Variants in SLC12A2 observed in about 807,000 individuals in gnomAD.
SLC12A2 encodes the protein Na-K-2Cl cotransporter 1.
In SLC12A2, 67 loss-of-function variants were observed where a neutral mutation model predicts 136.3. The observed-to-expected ratio is 0.49, with a 90% confidence interval of 0.40 to 0.60. The LOEUF is 0.60. Ranked by LOEUF, SLC12A2 falls within the 20% of genes least tolerant of loss-of-function variation. The pLI, the probability that SLC12A2 is intolerant of heterozygous loss-of-function variation, is 0.00. For synonymous variants in SLC12A2, 619 were observed against 562.9 expected (o/e 1.10, Z -1.41); for missense variants, 1,322 against 1,534.7 (o/e 0.86, Z 2.32).
chr5:128,135,664 A>G (rs976755019), intron 6 of SLC12A2, 36 bp from the exon 7 acceptor site: 1 of 1,255,210 alleles, frequency 8.0e-7, no homozygotes, highest in Non-Finnish European at 1.2e-6. Flanking sequence ...TAGAAACAAG[A>G]TACTTGATTT....
At chr5:128,146,802 A>T (rs4836366) in intron 10 of SLC12A2, among the ~76,000 whole-genome samples, 47,693 of 151,472 alleles carry the variant, frequency 0.31, 9,072 homozygotes, top group African/African-American at 0.53. Context: ...CTATCTTAAC[A>T]TAAGAAACAG....
At chr5:128,088,475 G>C (rs933620829) in intron 1 of SLC12A2, among the ~76,000 whole-genome samples, 2 of 152,208 alleles carry the variant, frequency 1.3e-5, no homozygotes, top group African/African-American at 4.8e-5. Flanking sequence ...ATTATCAAAT[G>C]TGGAAAGTGG....
chr5:128,180,619 T>C (rs1763678158), intron 22 of SLC12A2, among the ~76,000 whole-genome samples: 1 of 152,218 alleles, frequency 6.6e-6, no homozygotes, highest in South Asian at 2.1e-4. Flanking sequence ...ATACTTATTT[T>C]CTCAATCCTG....
intron 4 of SLC12A2, among the ~76,000 whole-genome samples, chr5:128,123,403 A>G (rs1391640549): frequency 3.3e-5 from 5 of 152,166 alleles, no homozygotes; most frequent in African/African-American, 4.8e-5. Context: ...TCCTCAATAC[A>G]CCAAGAAAAC....
At chr5:128,089,494 T>A (rs1760228622) in intron 1 of SLC12A2, among the ~76,000 whole-genome samples, 1 of 152,228 alleles carries the variant, frequency 6.6e-6, no homozygotes, top group Admixed American at 6.5e-5. Context: ...TCTCTCTTTA[T>A]CTTTTCTATC....
intron 9 of SLC12A2, among the ~76,000 whole-genome samples, chr5:128,140,606 A>G (rs935520307): frequency 1.3e-5 from 2 of 152,088 alleles, no homozygotes; most frequent in African/African-American, 4.8e-5. Context: ...CCTTGGAGCA[A>G]TAGGGGTAAC....
At chr5:128,125,312 C>T (rs535209169) in intron 4 of SLC12A2, among the ~76,000 whole-genome samples, 81 of 152,210 alleles carry the variant, frequency 5.3e-4, no homozygotes, top group Non-Finnish European at 2.9e-4. Context: ...AGTTTAGTAC[C>T]AGGATTCTAT....
chr5:128,169,356 A>T (rs1313030138), intron 18 of SLC12A2: 1 of 152,132 alleles, frequency 6.6e-6, no homozygotes, highest in Non-Finnish European at 1.5e-5. Context: ...CTCCTGTTGT[A>T]TCTTTGGCTA....
intron 5 of SLC12A2, among the ~76,000 whole-genome samples, chr5:128,132,177 G>A (rs1028253867): frequency 6.6e-6 from 1 of 152,094 alleles, no homozygotes; most frequent in African/African-American, 2.4e-5. Flanking sequence ...TGGGATGTAG[G>A]GAAGTATCTG....
chr5:128,152,633 C>T, intron 14 of SLC12A2, 73 bp from the exon 15 acceptor site: 1 of 914,244 alleles, frequency 1.1e-6, no homozygotes, highest in Non-Finnish European at 1.8e-6. Flanking sequence ...GTTTAATTCT[C>T]TATGCCTCAG....
At chr5:128,111,813 C>CGTGT (rs1554103717) in intron 1 of SLC12A2, among the ~76,000 whole-genome samples, 1 of 146,706 alleles carries the variant, frequency 6.8e-6, no homozygotes, top group African/African-American at 2.5e-5. Context: ...TGTGTATATA[C>CGTGT]GTGTGTGTGT....
At chr5:128,143,288 G>T (rs1172806946) in intron 10 of SLC12A2, among the ~76,000 whole-genome samples, 1 of 152,056 alleles carries the variant, frequency 6.6e-6, no homozygotes, top group African/African-American at 2.4e-5. Flanking sequence ...CTTTAAAAAA[G>T]CATTGATCAG....
At chr5:128,105,496 G>T (rs944175701) in intron 1 of SLC12A2, among the ~76,000 whole-genome samples, 3 of 152,158 alleles carry the variant, frequency 2.0e-5, no homozygotes, top group Non-Finnish European at 4.4e-5. Context: ...AGATTTAGCA[G>T]CCAAGAAGTC....
intron 15 of SLC12A2, 187 bp from the exon 16 acceptor site, chr5:128,157,866 C>G (rs557523259): frequency 1.9e-6 from 1 of 514,470 alleles, no homozygotes; most frequent in Non-Finnish European, 3.4e-6. Context: ...GATGTTTGTT[C>G]CAAGATTTTG....
intron 22 of SLC12A2, 98 bp downstream of exon 22, chr5:128,178,787 AT>A (rs1763612318): frequency 1.1e-6 from 1 of 915,664 alleles, no homozygotes; most frequent in South Asian, 3.2e-5. Flanking sequence ...CCCCATTCAA[AT>A]TTTGCCAGCA....
chr5:128,143,235 T>C (rs1338338357), intron 10 of SLC12A2, among the ~76,000 whole-genome samples: 1 of 152,162 alleles, frequency 6.6e-6, no homozygotes, highest in Non-Finnish European at 1.5e-5. Flanking sequence ...AGTTCAGTTT[T>C]CTAATTAGTG....
chr5:128,110,603 C>T, intron 1 of SLC12A2: 2 of 1,067,098 alleles, frequency 1.9e-6, no homozygotes, highest in African/African-American at 3.1e-5. Context: ...GGCATCGTAG[C>T]AGCTTATCAC....
chr5:128,145,532 A>G (rs755240130), intron 10 of SLC12A2, among the ~76,000 whole-genome samples: 23 of 152,152 alleles, frequency 1.5e-4, no homozygotes, highest in African/African-American at 4.1e-4. Context: ...TGCACAGCAT[A>G]TATGTAACTA....
intron 1 of SLC12A2, among the ~76,000 whole-genome samples, chr5:128,088,490 G>A (rs976696289): frequency 3.9e-5 from 6 of 152,136 alleles, no homozygotes; most frequent in Non-Finnish European, 8.8e-5. Context: ...AAGTGGAGTG[G>A]TAGACAATCC....
Sources: allele counts gnomAD v4.1 joint callset (sites outside exome capture counted in the v4.1 genomes callset), GRCh38; gene constraint gnomAD v4.1.1; transcripts MANE v1.5; gene names NCBI Gene and HGNC (gene_info 2026-07-23, HGNC 2026-07-21).